PPM1L: variants seen among roughly 807,000 people sequenced by gnomAD.
PPM1L encodes protein phosphatase, Mg2+/Mn2+ dependent 1L, also known as protein phosphatase 1L.
A neutral mutation model predicts 31.4 loss-of-function variants in PPM1L; 13 were observed. That is an observed-to-expected ratio of 0.41 (90% CI 0.27 to 0.66). PPM1L has a LOEUF of 0.66. Among genes scored for constraint, PPM1L ranks in the 30% least tolerant of loss-of-function variants. The pLI is 0.29. For missense variants in PPM1L, 326 were observed against 453.7 expected, an observed-to-expected ratio of 0.72 and a Z score of 2.56; for synonymous variants, 184 against 175.4, an observed-to-expected ratio of 1.05 and a Z score of -0.39.
At chr3:161,043,271 T>C (rs1193616181) in intron 2 of PPM1L, among the ~76,000 whole-genome samples, 1 of 152,052 alleles carries the variant, frequency 6.6e-6, no homozygotes, top group Non-Finnish European at 1.5e-5. Context: ...TGCTCTTATT[T>C]TTCAGTTTAA....
chr3:160,977,499 G>A (rs1234086441), intron 2 of PPM1L, among the ~76,000 whole-genome samples: 2 of 152,068 alleles, frequency 1.3e-5, no homozygotes, highest in Admixed American at 6.5e-5. Context: ...CTATTTTCTA[G>A]AATTTGTTTC....
intron 1 of PPM1L, among the ~76,000 whole-genome samples, chr3:160,875,736 G>T (rs767306255): frequency 2.6e-5 from 4 of 152,094 alleles, no homozygotes; most frequent in Non-Finnish European, 5.9e-5. Flanking sequence ...ACACATTTAG[G>T]TTAAGTAAAA....
chr3:160,843,281 T>G (rs1005326820), intron 1 of PPM1L, among the ~76,000 whole-genome samples: 1 of 151,164 alleles, frequency 6.6e-6, no homozygotes, highest in African/African-American at 2.4e-5. Flanking sequence ...AAACATAGTA[T>G]AGTGTAAGCT....
intron 2 of PPM1L, among the ~76,000 whole-genome samples, chr3:161,051,248 G>T (rs1203096113): frequency 2.0e-5 from 3 of 152,088 alleles, no homozygotes; most frequent in South Asian, 2.1e-4. Flanking sequence ...TTTGGCATTA[G>T]ACAGTAAGTG....
chr3:160,809,306 T>C (rs1407735418), intron 1 of PPM1L, among the ~76,000 whole-genome samples: 1 of 152,208 alleles, frequency 6.6e-6, no homozygotes, highest in Non-Finnish European at 1.5e-5. Flanking sequence ...ATATTTGGCA[T>C]GGCTCTGAAG....
intron 1 of PPM1L, among the ~76,000 whole-genome samples, chr3:160,866,638 A>C (rs930137079): frequency 6.6e-6 from 1 of 152,226 alleles, no homozygotes; most frequent in Non-Finnish European, 1.5e-5. Context: ...CTTAAAAGTC[A>C]AATGTGATTT....
Position 160,786,140 on chromosome 3 carries a change from T to A in PPM1L, c.399+29433T>A, listed in dbSNP as rs1247560438. On this transcript the variant is annotated intron_variant, in intron 1 of 3. Transcript: ENST00000498165. ...GGAATCTCATTTTTCTCTCTCTCTC[T>A]CTCTCTCTCTCTCTCTCTGTGTGTG... is the stretch of plus-strand genomic sequence containing the variant. Among the ~76,000 whole-genome samples, 4 of 92,500 alleles carry A rather than the reference T, an allele frequency of 4.3e-5. No individual in the cohort carries two copies. The Admixed American group carries it at 4.5e-4, about 10-fold the overall frequency. The allele number at this position is 92,500 out of a possible 152,430, so 60.7% of individuals were successfully genotyped here.
intron 1 of PPM1L, among the ~76,000 whole-genome samples, chr3:160,802,689 A>T (rs1194785752): frequency 6.6e-6 from 1 of 152,220 alleles, no homozygotes; most frequent in Admixed American, 6.5e-5. Flanking sequence ...AAGTTATACT[A>T]GGAGACAGTG....
chr3:160,880,532 G>C (rs777397010), intron 1 of PPM1L, among the ~76,000 whole-genome samples: 13 of 151,938 alleles, frequency 8.6e-5, no homozygotes, highest in Non-Finnish European at 1.8e-4. Flanking sequence ...GAAGTGGGAG[G>C]TTTCATAGCT....
At chr3:160,925,760 G>A (rs530738603) in intron 1 of PPM1L, among the ~76,000 whole-genome samples, 6 of 152,144 alleles carry the variant, frequency 3.9e-5, no homozygotes, top group Admixed American at 3.3e-4. Context: ...TTTGGAGGAG[G>A]AAAATGAAGT....
At chr3:160,780,939 G>T (rs1711730990) in intron 1 of PPM1L, among the ~76,000 whole-genome samples, 1 of 152,180 alleles carries the variant, frequency 6.6e-6, no homozygotes, top group African/African-American at 2.4e-5. Flanking sequence ...ATTTTATGAA[G>T]AGTTAGCTGT....
chr3:160,823,333 TAA>T (rs1056230956), intron 1 of PPM1L, among the ~76,000 whole-genome samples: 52 of 152,026 alleles, frequency 3.4e-4, no homozygotes, highest in African/African-American at 6.3e-4. Context: ...AAAATAATGT[TAA>T]GTTTCTTAAT....
At chr3:160,959,000 A>G (rs989908240) in intron 1 of PPM1L, among the ~76,000 whole-genome samples, 3 of 152,250 alleles carry the variant, frequency 2.0e-5, no homozygotes, top group African/African-American at 7.2e-5. Context: ...GTGCATGTGC[A>G]TGTGTATAGC....
intron 1 of PPM1L, among the ~76,000 whole-genome samples, chr3:160,803,965 T>G (rs1712517023): frequency 6.6e-6 from 1 of 152,232 alleles, no homozygotes; most frequent in Admixed American, 6.5e-5. Flanking sequence ...TCGCCCAGGA[T>G]GGAGTACAGT....
chr3:160,776,792 G>A (rs1262281413), intron 1 of PPM1L, among the ~76,000 whole-genome samples: 3 of 151,558 alleles, frequency 2.0e-5, no homozygotes, highest in Admixed American at 6.6e-5. Flanking sequence ...GTAGAGACAG[G>A]GTTTCACCAT....
chr3:160,850,804 G>T (rs1354305215), intron 1 of PPM1L, among the ~76,000 whole-genome samples: 1 of 151,066 alleles, frequency 6.6e-6, no homozygotes, highest in East Asian at 2.0e-4. Flanking sequence ...GCAGCTCCAT[G>T]TCATGACTCT....
chr3:160,946,975 A>G (rs1184738541), intron 1 of PPM1L, among the ~76,000 whole-genome samples: 1 of 152,200 alleles, frequency 6.6e-6, no homozygotes, highest in Non-Finnish European at 1.5e-5. Flanking sequence ...TCTACATGCT[A>G]TAGCAAAGAA....
At chr3:160,898,459 G>T (rs762011222) in intron 1 of PPM1L, among the ~76,000 whole-genome samples, 7 of 152,094 alleles carry the variant, frequency 4.6e-5, no homozygotes, top group Non-Finnish European at 1.0e-4. Flanking sequence ...GACTGCTCTG[G>T]TGTCAAATTT....
intron 1 of PPM1L, among the ~76,000 whole-genome samples, chr3:160,834,716 C>T (rs944938057): frequency 3.3e-5 from 5 of 152,108 alleles, no homozygotes; most frequent in Admixed American, 6.6e-5. Context: ...CTCCACTAAA[C>T]AGAATGTCCT....
Sources: allele counts gnomAD v4.1 joint callset (sites outside exome capture counted in the v4.1 genomes callset), GRCh38; gene constraint gnomAD v4.1.1; transcripts MANE v1.5; gene names NCBI Gene and HGNC (gene_info 2026-07-23, HGNC 2026-07-21).